The following DCBLD1 variants were observed in gnomAD, a reference collection of about 807,000 sequenced individuals.
DCBLD1 encodes the protein discoidin, CUB and LCCL domain containing 1, also known as discoidin, CUB and LCCL domain-containing protein 1.
In DCBLD1, 57 loss-of-function variants were observed where a neutral mutation model predicts 71.5. The observed-to-expected ratio is 0.80, with a 90% CI of 0.64 to 0.99. The LOEUF (loss-of-function observed/expected upper bound fraction) is 0.99, where lower values mean the gene tolerates loss of function less well. DCBLD1 is among the 50% of genes least tolerant of loss of function. The pLI is 0.00. For missense variants in DCBLD1, 891 were observed against 923.5 expected, an observed-to-expected ratio of 0.96 and a Z score of 0.46; for synonymous variants, 380 against 363.8, an observed-to-expected ratio of 1.04 and a Z score of -0.51.
chr6:117,546,994 C>A (rs2114573092), intron 14 of DCBLD1, among the ~76,000 whole-genome samples: 1 of 152,294 alleles, frequency 6.6e-6, no homozygotes, highest in African/African-American at 2.4e-5. Context: ...TTCCTCACAC[C>A]CCACCTCTCA....
At chr6:117,512,103 C>T (rs1409671655) in intron 2 of DCBLD1, among the ~76,000 whole-genome samples, 3 of 152,310 alleles carry the variant, frequency 2.0e-5, no homozygotes, top group East Asian at 3.9e-4. Flanking sequence ...GTTCCTCCTC[C>T]TCTTTCCCCA....
At chr6:117,494,014 CTA>C (rs1046693546) in intron 1 of DCBLD1, among the ~76,000 whole-genome samples, 4 of 152,106 alleles carry the variant, frequency 2.6e-5, no homozygotes, top group Admixed American at 6.6e-5. Flanking sequence ...TTTTTAAAAA[CTA>C]TCATTATCAG....
At chr6:117,506,262 G>A (rs1582983356) in intron 2 of DCBLD1, among the ~76,000 whole-genome samples, 1 of 152,114 alleles carries the variant, frequency 6.6e-6, no homozygotes, top group South Asian at 2.1e-4. Flanking sequence ...TCCCAAGAGT[G>A]TACAATTAGG....
At chr6:117,568,783 T>C (rs1779749002) in intron 14 of DCBLD1, among the ~76,000 whole-genome samples, 1 of 152,186 alleles carries the variant, frequency 6.6e-6, no homozygotes, top group South Asian at 2.1e-4. Flanking sequence ...TATCAGCAAG[T>C]CTTCCCTGTA....
At chr6:117,506,968 G>A (rs757793691) in intron 2 of DCBLD1, among the ~76,000 whole-genome samples, 3 of 152,196 alleles carry the variant, frequency 2.0e-5, no homozygotes, top group Non-Finnish European at 4.4e-5. Flanking sequence ...TATCCTGCCC[G>A]ATATTTTTTA....
intron 2 of DCBLD1, among the ~76,000 whole-genome samples, chr6:117,509,282 A>T (rs1777937392): frequency 6.6e-6 from 1 of 152,084 alleles, no homozygotes; most frequent in African/African-American, 2.4e-5. Context: ...AAATACAAAG[A>T]TTAGCTGGGC....
At chr6:117,528,927 A>G (rs1308740981) in intron 5 of DCBLD1, among the ~76,000 whole-genome samples, 2 of 152,042 alleles carry the variant, frequency 1.3e-5, no homozygotes, top group Non-Finnish European at 2.9e-5. Context: ...TGCAAGCTCC[A>G]CTTCCTGGGT....
At chr6:117,527,985 A>G (rs1163381352) in intron 5 of DCBLD1, among the ~76,000 whole-genome samples, 1 of 152,174 alleles carries the variant, frequency 6.6e-6, no homozygotes, top group Non-Finnish European at 1.5e-5. Context: ...CCTGCTAACT[A>G]AACCATCTGT....
intron 1 of DCBLD1, among the ~76,000 whole-genome samples, chr6:117,483,156 G>A (rs1163333773): frequency 2.6e-5 from 4 of 152,070 alleles, no homozygotes; most frequent in Admixed American, 6.5e-5. Context: ...TTAACCTGGC[G>A]TCTCTGCACT....
At chr6:117,512,789 T>C (rs1415974899) in intron 2 of DCBLD1, among the ~76,000 whole-genome samples, 1 of 152,066 alleles carries the variant, frequency 6.6e-6, no homozygotes, top group Non-Finnish European at 1.5e-5. Flanking sequence ...GGTTTTATGT[T>C]GTTGTTGTTG....
chr6:117,559,915 G>A (rs59640517), intron 14 of DCBLD1, among the ~76,000 whole-genome samples: 1 of 152,134 alleles, frequency 6.6e-6, no homozygotes. Context: ...AAGCATATAT[G>A]TATTAGCACT....
chr6:117,538,812 T>G lies in DCBLD1; in HGVS notation c.953T>G (p.Leu318Trp). The change falls in exon 8 of 15, where the codon TTG becomes TGG. Residue 318 changes from leucine to tryptophan, a missense_variant. Physicochemically the swap from Leu to Trp is moderately conservative, Grantham distance 61. Coordinates refer to ENST00000338728, the MANE Select transcript of DCBLD1 (RefSeq NM_001366458.2). Reference sequence around the variant, plus strand: ...CCACGAGAGTGGCTGGAGATCGATTTGGGGGAGAAAAAGAAAATAACAGGT... The same window carrying G: ...CCACGAGAGTGGCTGGAGATCGATTGGGGGGAGAAAAAGAAAATAACAGGT... ...HKPREWLEIDLGEKKKITGIR... is the reference protein window; with the variant it reads ...HKPREWLEIDWGEKKKITGIR... The G allele has an allele frequency of 6.2e-7, 1 of 1,613,570 alleles. No homozygotes were observed. The highest frequency in any genetic ancestry group is 8.5e-7 in the Non-Finnish European group (1 of 1,179,806).
At chr6:117,528,964 A>G (rs1778628471) in intron 5 of DCBLD1, among the ~76,000 whole-genome samples, 1 of 151,994 alleles carries the variant, frequency 6.6e-6, no homozygotes, top group Non-Finnish European at 1.5e-5. Flanking sequence ...CCTCAGCCTC[A>G]TGAGTAGCTG....
chr6:117,525,511 T>A, intron 5 of DCBLD1, 77 bp downstream of exon 5: 1 of 1,069,236 alleles, frequency 9.4e-7, no homozygotes. Context: ...AATTACTGAG[T>A]AAAGTCAAAT....
At chr6:117,499,266 G>A (rs1777571689) in intron 1 of DCBLD1, among the ~76,000 whole-genome samples, 1 of 115,800 alleles carries the variant, frequency 8.6e-6, no homozygotes, top group Admixed American at 8.2e-5. Flanking sequence ...AATCTGCCAG[G>A]TGTGGTGGTG....
chr6:117,534,798 G>A (rs574544316), intron 6 of DCBLD1, among the ~76,000 whole-genome samples: 1 of 150,974 alleles, frequency 6.6e-6, no homozygotes, highest in East Asian at 1.9e-4. Context: ...ATAATTTGAC[G>A]TTAAACTTCC....
At chr6:117,547,693 C>T (rs1408103584) in intron 14 of DCBLD1, 1 of 994,210 alleles carries the variant, frequency 1.0e-6, no homozygotes. Flanking sequence ...TGAGAAGACC[C>T]TGCGAAGCTT....
intron 2 of DCBLD1, among the ~76,000 whole-genome samples, chr6:117,511,426 C>A (rs894852317): frequency 6.6e-6 from 1 of 152,158 alleles, no homozygotes; most frequent in African/African-American, 2.4e-5. Context: ...ATGATTTGCA[C>A]CAGGAAGTTC....
At chr6:117,551,668 C>T (rs1432951182), downstream of DCBLD1, among the ~76,000 whole-genome samples, 1 of 152,148 alleles carries the variant, frequency 6.6e-6, no homozygotes, top group Admixed American at 6.5e-5. Context: ...CGTGAGCCAC[C>T]GCGCCCGGCT....
Sources: allele counts gnomAD v4.1 joint callset (sites outside exome capture counted in the v4.1 genomes callset), GRCh38; gene constraint gnomAD v4.1.1; transcripts MANE v1.5; gene names NCBI Gene and HGNC (gene_info 2026-07-23, HGNC 2026-07-21).